Variants in SEMA6A observed in about 807,000 individuals in gnomAD.
SEMA6A encodes semaphorin 6A, also known as semaphorin-6A.
In SEMA6A, 25 loss-of-function variants were observed where a neutral mutation model predicts 96.8. That is an observed-to-expected ratio of 0.26 (90% confidence interval 0.19 to 0.36). SEMA6A has a LOEUF of 0.36. Among genes scored for constraint, SEMA6A ranks in the 10% least tolerant of loss-of-function variants. The probability of loss-of-function intolerance (pLI) is 1.00; values close to 1 mark genes in which losing one functional copy is unlikely to be tolerated. For missense variants in SEMA6A, 1,363 were observed against 1,323.1 expected (o/e 1.03, Z -0.47); for synonymous variants, 612 against 518.0 (o/e 1.18, Z -2.46).
chr5:116,476,807 T>C (rs920082234), intron 15 of SEMA6A, among the ~76,000 whole-genome samples: 3 of 152,242 alleles, frequency 2.0e-5, no homozygotes, highest in African/African-American at 2.4e-5. Flanking sequence ...TCTAAGATTA[T>C]AGCATGTCAA....
intron 1 of SEMA6A, among the ~76,000 whole-genome samples, chr5:116,517,709 C>T (rs915497847): frequency 2.0e-5 from 3 of 152,200 alleles, no homozygotes; most frequent in African/African-American, 7.2e-5. Flanking sequence ...CCCAAAGCCT[C>T]TCCTAAGTAA....
intron 3 of SEMA6A, chr5:116,498,492 A>T (rs1757718724): frequency 6.6e-6 from 1 of 150,936 alleles, no homozygotes; most frequent in African/African-American, 2.4e-5. Flanking sequence ...TAACAGGCCG[A>T]CTCACGTGAA....
rs1754289154 is a variant in SEMA6A, at chr5:116,447,325, A to G, written c.2381T>C (p.Met794Thr). The G allele has an allele frequency of 6.2e-7, 1 of 1,613,750 alleles. No individual in the cohort carries two copies. The highest frequency in any genetic ancestry group is 8.5e-7 in the Non-Finnish European group (1 of 1,179,878). The change falls in exon 19 of 19, where the codon ATG becomes ACG. Residue 794 changes from methionine to threonine, a missense_variant. This residue lies in a region of SEMA6A where 883 missense variants were observed against 763.6 expected (regional missense o/e 1.16). Transcript: ENST00000343348. ...INACTKDMPP[M>T]GSPVIPTDLP... is the part of the protein sequence containing the mutation. ...GTCCGTGGGAATCACAGGGGAGCCC[A>G]TGGGGGGCATGTCCTTTGTGCAGGC...
chr5:116,546,844 C>T (rs1411585503), intron 1 of SEMA6A, among the ~76,000 whole-genome samples: 1 of 152,176 alleles, frequency 6.6e-6, no homozygotes, highest in African/African-American at 2.4e-5. Flanking sequence ...CCCTGATTCC[C>T]TCTCCTCTCA....
At chr5:116,464,559 C>G (rs1755614071) in intron 18 of SEMA6A, among the ~76,000 whole-genome samples, 1 of 152,116 alleles carries the variant, frequency 6.6e-6, no homozygotes, top group African/African-American at 2.4e-5. Context: ...CATCAGAATG[C>G]TACTCACGGT....
chr5:116,564,366 G>A (rs886504552), intron 1 of SEMA6A, among the ~76,000 whole-genome samples: 11 of 152,158 alleles, frequency 7.2e-5, no homozygotes, highest in African/African-American at 2.7e-4. Flanking sequence ...TGCTTTGCAT[G>A]TCTTGAATTC....
Position 116,478,025 on chromosome 5 carries a change from C to G in SEMA6A, c.1557G>C (p.Gly519=). ...KVPLGRCERH[G]KCKKTCIASR... ...GGCAAAATACATACTTTTTACACTT[C>G]CCATGTCGTTCACACCGGCCAAGGG... is the stretch of plus-strand genomic sequence containing the variant. Residue 519 remains glycine, a synonymous_variant, in exon 14 of 19, where the codon GGG becomes GGC. Transcript: ENST00000343348. The G allele has an allele frequency of 6.2e-7, 1 of 1,613,958 alleles. No homozygotes were observed. Among genetic ancestry groups the G allele is most frequent in the Non-Finnish European group, 8.5e-7 (1 of 1,179,852 alleles).
At position 116,512,217 on chromosome 5, in the gene SEMA6A, A is replaced by G. The variant is rs1448755787; in HGVS notation, c.-38-7235T>C. Reference sequence around the variant, plus strand: ...TCGTAATTAGAAACAACCTGGGCCCATTGATCCTGTTTGAAACCTTTATTG... The same window carrying G: ...TCGTAATTAGAAACAACCTGGGCCCGTTGATCCTGTTTGAAACCTTTATTG... On this transcript the variant is annotated intron_variant, in intron 1 of 18. Coordinates refer to ENST00000343348, the MANE Select transcript of SEMA6A (RefSeq NM_020796.5). 3.3e-5 allele frequency among the ~76,000 whole-genome samples: 5 copies of G among 152,184 alleles called. No homozygotes were observed. In the South Asian group the frequency reaches 8.3e-4, roughly 25 times the overall value.
At chr5:116,484,735 ACTAG>A (rs1290326565) in intron 10 of SEMA6A, among the ~76,000 whole-genome samples, 3 of 152,270 alleles carry the variant, frequency 2.0e-5, no homozygotes, top group Non-Finnish European at 4.4e-5. Context: ...ATAGGAGGTG[ACTAG>A]CTGACATTTG....
In SEMA6A at chr5:116,489,470, G is replaced by A. The variant is rs529936487; in HGVS notation, c.536-463C>T. On this transcript the variant is annotated intron_variant, in intron 7 of 18. Transcript: ENST00000343348. ...GTAAAGAAGTCCTCAGCCTGATCAGGTGAGAGAAGTTGAAGAGAGAGGGTT... is the reference window on the plus strand; with the variant it reads ...GTAAAGAAGTCCTCAGCCTGATCAGATGAGAGAAGTTGAAGAGAGAGGGTT... Among the ~76,000 whole-genome samples the A allele has an allele frequency of 8.7e-4, 133 of 152,276 alleles. 1 individual carries two copies. The highest frequency in any genetic ancestry group is 1.6e-3 in the Admixed American group (24 of 15,292).
At chr5:116,480,376 G>A (rs1354134649) in intron 11 of SEMA6A, 99 bp from the exon 12 acceptor site, 1 of 1,398,508 alleles carries the variant, frequency 7.2e-7, no homozygotes, top group Admixed American at 1.8e-5. Context: ...GAATGGAGGA[G>A]AATGTACTGC....
At position 116,497,423 on chromosome 5, in the gene SEMA6A, C is replaced by A. The variant is rs766826478; in HGVS notation, c.219-36G>T. 12 of 1,334,122 alleles carry A rather than the reference C, an allele frequency of 9.0e-6. No homozygotes were observed. In the South Asian group the frequency reaches 1.5e-4, roughly 16 times the overall value. 82.6% of individuals were successfully genotyped at this position (1,334,122 alleles called of 1,614,324 possible). ...AGAAAAATTAATACAAGGTCAAACA[C>A]AGAGTCAAAACAGTTCATTTTCTGC... On this transcript the variant is annotated intron_variant, in intron 3 of 18. Transcript: ENST00000343348.
At chr5:116,487,110 AAG>A (rs1757089171) in intron 9 of SEMA6A, 144 bp from the exon 10 acceptor site, 1 of 624,624 alleles carries the variant, frequency 1.6e-6, no homozygotes, top group African/African-American at 1.9e-5. Context: ...AAAAAAAAGA[AAG>A]AAAAGAAAAA....
chr5:116,565,767 AAGG>A lies in SEMA6A; in HGVS notation c.-39+8415_-39+8417del, dbSNP rs548263802. Among the ~76,000 whole-genome samples the A allele has an allele frequency of 3.6e-3, 551 of 152,312 alleles. 4 individuals are homozygous for A. Among genetic ancestry groups the A allele is most frequent in the African/African-American group, 0.013 (532 of 41,562 alleles). On this transcript the variant is annotated intron_variant, in intron 1 of 18. Coordinates refer to ENST00000343348, the MANE Select transcript of SEMA6A (RefSeq NM_020796.5). ...GAAATCAAGTGGCTCTCTGGGTAGA[AAGG>A]AGGAGGGACAGTTGTTGAATTGTTT...
At chr5:116,484,647 A>G (rs943044808) in intron 10 of SEMA6A, among the ~76,000 whole-genome samples, 4 of 152,172 alleles carry the variant, frequency 2.6e-5, no homozygotes, top group Non-Finnish European at 4.4e-5. Context: ...AATAATAATA[A>G]TAACAAAAAT....
intron 18 of SEMA6A, among the ~76,000 whole-genome samples, chr5:116,453,250 G>T (rs1754764677): frequency 6.6e-6 from 1 of 152,134 alleles, no homozygotes; most frequent in Non-Finnish European, 1.5e-5. Context: ...TGCCTGGAAT[G>T]TCCCTACTCA....
At chr5:116,539,528 G>A (rs1469535206) in intron 1 of SEMA6A, among the ~76,000 whole-genome samples, 1 of 151,816 alleles carries the variant, frequency 6.6e-6, no homozygotes, top group Non-Finnish European at 1.5e-5. Context: ...CTGAGAAATG[G>A]CTCCCTAGAT....
intron 5 of SEMA6A, chr5:116,495,735 G>A (rs781744324): frequency 1.5e-5 from 7 of 476,798 alleles, no homozygotes; most frequent in South Asian, 2.8e-5. Flanking sequence ...ATGGAAGATT[G>A]TGTGTTTATT....
intron 1 of SEMA6A, among the ~76,000 whole-genome samples, chr5:116,565,398 A>G (rs948936144): frequency 6.6e-6 from 1 of 152,228 alleles, no homozygotes; most frequent in African/African-American, 2.4e-5. Context: ...TGGCAACCGA[A>G]TAAGAAAGCA....
Sources: allele counts gnomAD v4.1 joint callset (sites outside exome capture counted in the v4.1 genomes callset), GRCh38; gene constraint gnomAD v4.1.1; regional missense constraint gnomAD v4.1.1; transcripts MANE v1.5; gene names NCBI Gene and HGNC (gene_info 2026-07-23, HGNC 2026-07-21).